GMIP: variants seen among roughly 807,000 people sequenced by gnomAD.
The protein encoded by GMIP is GEM interacting protein, also known as GEM-interacting protein.
Under a neutral mutation model 105.3 loss-of-function variants are expected in GMIP, and 54 were observed. The observed-to-expected ratio is 0.51, with a 90% CI of 0.41 to 0.64. GMIP has a LOEUF of 0.64. Among genes scored for constraint, GMIP ranks in the 30% least tolerant of loss-of-function variants. The pLI, the probability that GMIP is intolerant of heterozygous loss-of-function variation, is 0.00. For synonymous variants in GMIP, 541 were observed against 560.8 expected (o/e 0.96, Z 0.50); for missense variants, 1,110 against 1,319.4 (o/e 0.84, Z 2.46).
At chr19:19,632,256 C>T (rs551260069) in intron 19 of GMIP, among the ~76,000 whole-genome samples, 3 of 151,864 alleles carry the variant, frequency 2.0e-5, no homozygotes, top group African/African-American at 7.2e-5. Context: ...ATCACGCCAT[C>T]GCACTCCAAC....
At position 19,637,080 on chromosome 19, in the gene GMIP, T is replaced by G; in HGVS notation, c.1125-51A>C. The G allele has an allele frequency of 1.6e-6, 2 of 1,215,032 alleles. No homozygotes were observed. Among genetic ancestry groups the G allele is most frequent in the South Asian group, 2.6e-5 (2 of 76,358 alleles). The allele number at this position is 1,215,032 out of a possible 1,614,324, so 75.3% of individuals were successfully genotyped here. A position where few individuals can be genotyped will look rare whatever the true frequency, so the allele number is the denominator to read the frequency against. ...TGAATCCCAGGAAACTGGCCTGGGG[T>G]GATGGCACCCAGGCATCATGTCTAG... On this transcript the variant is annotated intron_variant, in intron 11 of 20. Coordinates refer to ENST00000203556, the MANE Select transcript of GMIP (RefSeq NM_016573.4). This position sits in a 1 kb window ranked among gnomAD's most constrained non-coding sequence, Gnocchi z 6.7.
intron 7 of GMIP, among the ~76,000 whole-genome samples, chr19:19,639,304 C>T (rs1479691912): frequency 2.0e-5 from 3 of 150,122 alleles, no homozygotes; most frequent in African/African-American, 7.4e-5. Context: ...TGGTCTCAAA[C>T]TCCTGGGCTC....
intron 7 of GMIP, 122 bp from the exon 8 acceptor site, chr19:19,638,604 TC>T: frequency 1.4e-6 from 1 of 739,468 alleles, no homozygotes; most frequent in Non-Finnish European, 2.2e-6. Context: ...TTTTTTTTTT[TC>T]GAGACGGAGT....
chr19:19,643,078 A>C, intron 1 of GMIP: 1 of 216,160 alleles, frequency 4.6e-6, no homozygotes, highest in Non-Finnish European at 9.2e-6. Flanking sequence ...ACGGCCGGAA[A>C]CACCAAGTCG....
At position 19,635,460 on chromosome 19, in the gene GMIP, G is replaced by T. The variant is rs1356437912; in HGVS notation, c.1515C>A (p.Cys505Ter). 6.2e-7 allele frequency: 1 copy of T among 1,610,064 alleles called. No homozygotes were observed. The highest frequency in any genetic ancestry group is 1.1e-5 in the South Asian group (1 of 91,016). The change falls in exon 15 of 21, where the codon TGC (cysteine) becomes TGA (stop). Residue 505 changes from cysteine (C) to a stop codon, truncating the protein, a stop_gained. Transcript: ENST00000203556. LOFTEE classifies it high-confidence loss of function. The surrounding 1 kb of genome is among the most constrained non-coding windows in gnomAD (Gnocchi z 4.7). ...QLRRLRGPAK[C>*]RECEAFMVSG... The stretch of plus-strand genomic sequence containing the variant: ...TGACCATGAAGGCTTCGCACTCGCG[G>T]CACTTGGCTGGGCCCCGCAGTCGCC...
At position 19,630,135 on chromosome 19, in the gene GMIP, C is replaced by A; in HGVS notation, c.2741G>T (p.Ser914Ile). The A allele has an allele frequency of 6.2e-7, 1 of 1,604,648 alleles. No individual in the cohort carries two copies. Among genetic ancestry groups the A allele is most frequent in the Non-Finnish European group, 8.5e-7 (1 of 1,174,700 alleles). Reference protein sequence around the residue: ...PRGSLRGRGPSPAAASPEGSP... With the variant: ...PRGSLRGRGPIPAAASPEGSP... ...GCCCTCAGGGGAGGCAGCTGCAGGG[C>A]TGGGCCCCCGCCCCCGCAAACTCCC... The change falls in exon 21 of 21, where the codon AGC becomes ATC. Residue 914 changes from serine (S) to isoleucine (I), a missense_variant. Around this residue, in one of 3 missense-constraint regions of GMIP, gnomAD observed 394 missense variants for 450.5 expected, o/e 0.87. Coordinates refer to ENST00000203556, the MANE Select transcript of GMIP (RefSeq NM_016573.4). This position sits in a 1 kb window ranked among gnomAD's most constrained non-coding sequence, Gnocchi z 4.8.
intron 1 of GMIP, 96 bp from the exon 2 acceptor site, chr19:19,642,715 G>A (rs891363272): frequency 3.1e-5 from 18 of 578,124 alleles, no homozygotes; most frequent in Non-Finnish European, 5.5e-5. Flanking sequence ...AAGAGAAAGG[G>A]AAGAGTGAGA....
rs771510856 is a variant in GMIP, at chr19:19,630,780, G to A, written c.2473-243C>T. On this transcript the variant is annotated intron_variant, in intron 19 of 20. Coordinates refer to ENST00000203556, the MANE Select transcript of GMIP (RefSeq NM_016573.4). The surrounding 1 kb of genome is among the most constrained non-coding windows in gnomAD (Gnocchi z 4.8). Reference sequence around the variant, plus strand: ...GGCTCTGCCAGCCACCCCTGACTTTGCACCTACTCTGCACTGGGTGTGGAC... The same window carrying A: ...GGCTCTGCCAGCCACCCCTGACTTTACACCTACTCTGCACTGGGTGTGGAC... Among the ~76,000 whole-genome samples the A allele has an allele frequency of 1.2e-4, 18 of 152,170 alleles. No homozygotes were observed. The highest frequency in any genetic ancestry group is 2.5e-4 in the Non-Finnish European group (17 of 68,026).
Position 19,643,507 on chromosome 19 carries a change from C to G in GMIP, c.19+4G>C, listed in dbSNP as rs1451192178. On this transcript the variant is annotated splice_donor_region_variant and intron_variant, in intron 1 of 20. Coordinates refer to ENST00000203556, the MANE Select transcript of GMIP (RefSeq NM_016573.4). ...AGGCCCCTCCCGGATCCCCGACCCC[C>G]TACCCGGCTCTGCTGCGTCCATATC... 6.5e-7 allele frequency: 1 copy of G among 1,547,672 alleles called. No homozygotes were observed. Among genetic ancestry groups the G allele is most frequent in the East Asian group, 2.5e-5 (1 of 40,744 alleles).
chr19:19,634,251 A>G lies in GMIP; in HGVS notation c.2085-61T>C. On this transcript the variant is annotated intron_variant, in intron 18 of 20. Transcript: ENST00000203556. The surrounding 1 kb of genome is among the most constrained non-coding windows in gnomAD (Gnocchi z 6.1). ...GATGCAAGCTCATTGGTCTGAGGGTAAGGGTGGGACACGCAGGCCAGCCTA... is the reference window on the plus strand; with the variant it reads ...GATGCAAGCTCATTGGTCTGAGGGTGAGGGTGGGACACGCAGGCCAGCCTA... 6.7e-7 allele frequency: 1 copy of G among 1,492,084 alleles called. No homozygotes were observed. Among genetic ancestry groups the G allele is most frequent in the Non-Finnish European group, 9.0e-7 (1 of 1,117,212 alleles). 92.4% of individuals were successfully genotyped at this position (1,492,084 alleles called of 1,614,324 possible). A position where few individuals can be genotyped will look rare whatever the true frequency, so the allele number is the denominator to read the frequency against.
chr19:19,637,055 TG>T lies in GMIP; in HGVS notation c.1125-27del. The T allele has an allele frequency of 6.7e-7, 1 of 1,482,958 alleles. No individual in the cohort carries two copies. The highest frequency in any genetic ancestry group is 9.2e-7 in the Non-Finnish European group (1 of 1,084,232). The allele number at this position is 1,482,958 out of a possible 1,614,324, so 91.9% of individuals were successfully genotyped here. ...CTGAGAAGACAGAAGTTTGAAGGTT[TG>T]AATCCCAGGAAACTGGCCTGGGGTG... On this transcript the variant is annotated intron_variant, in intron 11 of 20. Coordinates refer to ENST00000203556, the MANE Select transcript of GMIP (RefSeq NM_016573.4). This position sits in a 1 kb window ranked among gnomAD's most constrained non-coding sequence, Gnocchi z 6.7.
In GMIP at chr19:19,630,532, T is replaced by C. The variant is rs771209995; in HGVS notation, c.2478A>G (p.Pro826=). Residue 826 remains proline, a synonymous_variant, in exon 20 of 21, where the codon CCA becomes CCG. Coordinates refer to ENST00000203556, the MANE Select transcript of GMIP (RefSeq NM_016573.4). This position sits in a 1 kb window ranked among gnomAD's most constrained non-coding sequence, Gnocchi z 4.8. ...CCTCTCTCTGGTCACTCTGTGGAGT[T>C]GGAATCTGCAGGGAGAAACCCAAGA... ...QHPTATPTEI[P]TPQSDQREDV... is the part of the protein sequence containing the mutation. 9.3e-6 allele frequency: 15 copies of C among 1,613,670 alleles called. No homozygotes were observed.
intron 7 of GMIP, among the ~76,000 whole-genome samples, chr19:19,639,414 G>A (rs2061894125): frequency 6.6e-6 from 1 of 151,688 alleles, no homozygotes; most frequent in Admixed American, 6.6e-5. Flanking sequence ...CTCCTCCTGG[G>A]GTCTTCTCCA....
rs540530651 is a variant in GMIP at position 19,634,287 on chromosome 19, G to C, written c.2085-97C>G. ...ACGCAGGCCAGCCTAGAGGTGACTT[G>C]CCCATGTCACAGGTGTAAGTCGTCT... On this transcript the variant is annotated intron_variant, in intron 18 of 20. Transcript: ENST00000203556. This position sits in a 1 kb window ranked among gnomAD's most constrained non-coding sequence, Gnocchi z 6.1. 18 of 1,319,554 alleles carry C rather than the reference G, an allele frequency of 1.4e-5. No homozygotes were observed. In the African/African-American group the frequency reaches 2.5e-4, roughly 18 times the overall value. 81.7% of individuals were successfully genotyped at this position (1,319,554 alleles called of 1,614,324 possible). A position where few individuals can be genotyped will look rare whatever the true frequency, so the allele number is the denominator to read the frequency against.
rs1264531233 is a variant in GMIP, at chr19:19,635,755, C to G, written c.1328-34G>C. ...AGAGGAATCATGGGAGATTCCTGGG[C>G]TATGGGAGGCACTCCTGGTTTTTAG... On this transcript the variant is annotated intron_variant, in intron 13 of 20. Transcript: ENST00000203556. This position sits in a 1 kb window ranked among gnomAD's most constrained non-coding sequence, Gnocchi z 4.7. 4.5e-6 allele frequency: 7 copies of G among 1,570,510 alleles called. No individual in the cohort carries two copies. The highest frequency in any genetic ancestry group is 6.1e-6 in the Non-Finnish European group (7 of 1,140,786).
At chr19:19,643,194 C>T (rs781625170) in intron 1 of GMIP, 45 of 350,244 alleles carry the variant, frequency 1.3e-4, no homozygotes, top group Non-Finnish European at 1.9e-4. Flanking sequence ...GGGGATCCTA[C>T]CGCGTTGCCC....
In GMIP at chr19:19,640,116, G is replaced by C; in HGVS notation, c.506C>G (p.Thr169Arg). ...GTAGTCTCTTTTCTGCTGGGCCACT[G>C]TCTCCATGGCCAGGGTTCCCAGGCT... is the stretch of plus-strand genomic sequence containing the variant. The part of the protein sequence containing the change: ...DLSLGTLAME[T>R]VAQQKRDYYQ... The change falls in exon 7 of 21, where the codon ACA becomes AGA. Residue 169 changes from threonine (T) to arginine (R), a missense_variant. Thr to Arg is a moderately conservative substitution (Grantham distance 71, BLOSUM62 -1). Transcript: ENST00000203556. The C allele has an allele frequency of 6.2e-7, 1 of 1,612,954 alleles. No homozygotes were observed. The highest frequency in any genetic ancestry group is 8.5e-7 in the Non-Finnish European group (1 of 1,178,958).
Position 19,631,070 on chromosome 19 carries a change from G to A in GMIP, c.2473-533C>T, listed in dbSNP as rs545411318. 5.3e-5 allele frequency among the ~76,000 whole-genome samples: 8 copies of A among 152,270 alleles called. No homozygotes were observed. The East Asian group carries it at 1.5e-3, about 29-fold the overall frequency. ...ACAAAATTTAGCCGGGCGTGGTGGT[G>A]CATGCCTGTAATCCCAGCTACTAGG... On this transcript the variant is annotated intron_variant, in intron 19 of 20. Transcript: ENST00000203556.
chr19:19,635,393 T>G lies in GMIP; in HGVS notation c.1560+22A>C. On this transcript the variant is annotated intron_variant, in intron 15 of 20. Coordinates refer to ENST00000203556, the MANE Select transcript of GMIP (RefSeq NM_016573.4). The surrounding 1 kb of genome is among the most constrained non-coding windows in gnomAD (Gnocchi z 4.7). ...TGATCAAGGGTCAGCAAAGGTCATTTGGTCATTAACCCAGGCCACACCTCC... is the reference window on the plus strand; with the variant it reads ...TGATCAAGGGTCAGCAAAGGTCATTGGGTCATTAACCCAGGCCACACCTCC... 1.2e-6 allele frequency: 2 copies of G among 1,604,750 alleles called. No homozygotes were observed. The highest frequency in any genetic ancestry group is 1.7e-6 in the Non-Finnish European group (2 of 1,175,882).
Sources: gnomAD v4.1 joint callset for allele counts (sites outside exome capture counted in the v4.1 genomes callset) on GRCh38, gnomAD v4.1.1 for gene constraint, gnomAD v4.1.1 regional missense constraint, Gnocchi (gnomAD v3.1) non-coding constraint, MANE v1.5 for transcripts, NCBI Gene and HGNC (gene_info 2026-07-23, HGNC 2026-07-21) for gene names.